Variants in CALN1 observed in about 807,000 individuals in gnomAD.
The protein encoded by CALN1 is calcium-binding protein 8.
Under a neutral mutation model 30.6 loss-of-function variants are expected in CALN1, and 17 were observed. The observed-to-expected ratio is 0.56, with a 90% confidence interval of 0.38 to 0.83. The LOEUF is 0.83. Ranked by LOEUF, CALN1 falls within the 40% of genes least tolerant of loss-of-function variation. The pLI is 0.00. For synonymous variants in CALN1, 156 were observed against 131.4 expected (o/e 1.19, Z -1.28); for missense variants, 291 against 354.9 (o/e 0.82, Z 1.45).
intron 3 of CALN1, among the ~76,000 whole-genome samples, chr7:72,145,463 G>A (rs368610311): frequency 2.0e-5 from 3 of 152,142 alleles, no homozygotes; most frequent in East Asian, 1.9e-4. Context: ...AGGCTCTGAA[G>A]TTGAGGCAAT....
intron 5 of CALN1, among the ~76,000 whole-genome samples, chr7:72,022,804 T>A (rs985532487): frequency 2.0e-5 from 3 of 151,912 alleles, no homozygotes; most frequent in Admixed American, 2.0e-4. Context: ...TACTTGTTGG[T>A]TCTATGCAAG....
intron 5 of CALN1, among the ~76,000 whole-genome samples, chr7:71,856,819 G>A (rs148681695): frequency 9.9e-5 from 15 of 152,228 alleles, no homozygotes; most frequent in Admixed American, 9.2e-4. Context: ...GCTGGGTTTG[G>A]TGGTGCATGC....
chr7:72,279,553 C>G (rs1797592849), intron 2 of CALN1, among the ~76,000 whole-genome samples: 1 of 152,200 alleles, frequency 6.6e-6, no homozygotes, highest in Admixed American at 6.5e-5. Context: ...GAAAAAAGCT[C>G]CTGAACCCAG....
intron 5 of CALN1, among the ~76,000 whole-genome samples, chr7:71,851,208 AACAC>A (rs56041427): frequency 0.018 from 2,370 of 132,140 alleles, 27 homozygotes; most frequent in Middle Eastern, 0.035. Context: ...CCTTGTCTCA[AACAC>A]ACACACACAC....
chr7:71,985,584 CTTTTTTTTTTTTT>C (rs962922789), intron 5 of CALN1, among the ~76,000 whole-genome samples: 2 of 96,438 alleles, frequency 2.1e-5, no homozygotes, highest in Admixed American at 1.3e-4. Context: ...AGGTAGTTTT[CTTTTTTTTTTTTT>C]TTTTTTTTTT....
chr7:72,393,795 G>GCT (rs1562943947), intron 2 of CALN1, among the ~76,000 whole-genome samples: 2 of 148,712 alleles, frequency 1.3e-5, no homozygotes, highest in Non-Finnish European at 3.0e-5. Flanking sequence ...TGTCACCCAG[G>GCT]CTGCTGCACA....
chr7:72,354,863 T>C (rs560053753), intron 2 of CALN1, among the ~76,000 whole-genome samples: 1 of 152,232 alleles, frequency 6.6e-6, no homozygotes, highest in African/African-American at 2.4e-5. Context: ...GAGAAAATTT[T>C]TGAGAACTTG....
At chr7:72,400,785 G>A (rs1334306384) in intron 2 of CALN1, among the ~76,000 whole-genome samples, 1 of 152,166 alleles carries the variant, frequency 6.6e-6, no homozygotes, top group Non-Finnish European at 1.5e-5. Flanking sequence ...GATTTCATGA[G>A]ACCCACCCTC....
intron 5 of CALN1, among the ~76,000 whole-genome samples, chr7:72,007,283 C>A (rs138245371): frequency 6.6e-6 from 1 of 152,196 alleles, no homozygotes; most frequent in Non-Finnish European, 1.5e-5. Flanking sequence ...AAGTGGCTTG[C>A]GCTTGCAATC....
chr7:72,315,122 C>T (rs1800350766), intron 2 of CALN1, among the ~76,000 whole-genome samples: 1 of 151,912 alleles, frequency 6.6e-6, no homozygotes, highest in African/African-American at 2.4e-5. Context: ...TGCACCCCAG[C>T]CTAGGTGACA....
intron 2 of CALN1, among the ~76,000 whole-genome samples, chr7:72,313,366 T>C (rs1332126526): frequency 1.3e-5 from 2 of 152,108 alleles, no homozygotes; most frequent in Admixed American, 1.3e-4. Flanking sequence ...TATCCTACCA[T>C]AGCCAAATTA....
chr7:72,338,037 C>A (rs979986274), intron 2 of CALN1, among the ~76,000 whole-genome samples: 1 of 152,134 alleles, frequency 6.6e-6, no homozygotes, highest in Admixed American at 6.5e-5. Flanking sequence ...GTCTGCCTCC[C>A]AAGAACTGAC....
chr7:72,052,946 A>G (rs1802934005), intron 4 of CALN1, among the ~76,000 whole-genome samples: 1 of 151,996 alleles, frequency 6.6e-6, no homozygotes, highest in Non-Finnish European at 1.5e-5. Context: ...TTGAGAGGCC[A>G]AGGCCAGGTG....
intron 5 of CALN1, among the ~76,000 whole-genome samples, chr7:71,818,865 A>G (rs1020022594): frequency 6.6e-6 from 1 of 151,556 alleles, no homozygotes; most frequent in African/African-American, 2.4e-5. Context: ...GTGCACCACC[A>G]TGTCTGGCTA....
intron 5 of CALN1, among the ~76,000 whole-genome samples, chr7:72,009,404 CTAA>C (rs1434512263): frequency 1.3e-5 from 2 of 152,094 alleles, no homozygotes; most frequent in Non-Finnish European, 2.9e-5. Context: ...ACCATGACAA[CTAA>C]TATTAACCCT....
At chr7:71,819,984 T>G (rs190604047) in intron 5 of CALN1, among the ~76,000 whole-genome samples, 33 of 152,316 alleles carry the variant, frequency 2.2e-4, no homozygotes, top group African/African-American at 7.9e-4. Flanking sequence ...GAATTGAACA[T>G]GACTCATTAT....
intron 5 of CALN1, among the ~76,000 whole-genome samples, chr7:72,018,149 A>T (rs1800504781): frequency 6.6e-6 from 1 of 152,160 alleles, no homozygotes; most frequent in Admixed American, 6.5e-5. Flanking sequence ...ATAAAATAGC[A>T]GGGCTCTTTC....
intron 3 of CALN1, among the ~76,000 whole-genome samples, chr7:72,177,737 C>T (rs1428048718): frequency 4.2e-5 from 6 of 141,920 alleles, no homozygotes; most frequent in African/African-American, 1.6e-4. Context: ...TTCACTCCAG[C>T]CTGGGCGACA....
Position 71,784,727 on chromosome 7 carries a change from G to A in CALN1, c.*3048C>T. The A allele has an allele frequency of 2.5e-6, 1 of 398,440 alleles. No homozygotes were observed. Among genetic ancestry groups the A allele is most frequent in the Non-Finnish European group, 4.4e-6 (1 of 226,018 alleles). 24.7% of individuals were successfully genotyped at this position (398,440 alleles called of 1,614,324 possible). A position where few individuals can be genotyped will look rare whatever the true frequency, so the allele number is the denominator to read the frequency against. The stretch of plus-strand genomic sequence containing the variant: ...GCCTCCACACAGTTGGGCAGCCAAG[G>A]TCACTGGTTCCTAAGTCCGGAGGAC... On this transcript the variant is annotated 3_prime_UTR_variant, in exon 7 of 7. Coordinates refer to ENST00000395275, the MANE Select transcript of CALN1 (RefSeq NM_031468.4).
Sources: allele counts gnomAD v4.1 joint callset (sites outside exome capture counted in the v4.1 genomes callset), GRCh38; gene constraint gnomAD v4.1.1; transcripts MANE v1.5; gene names NCBI Gene and HGNC (gene_info 2026-07-23, HGNC 2026-07-21).